RERE: variants seen among roughly 807,000 people sequenced by gnomAD.
The protein encoded by RERE is arginine-glutamic acid dipeptide repeats.
In RERE, 40 loss-of-function variants were observed where a neutral mutation model predicts 146.1. That is an observed-to-expected ratio of 0.27 (90% CI 0.21 to 0.36). RERE has a LOEUF of 0.36. Among genes scored for constraint, RERE ranks in the 10% least tolerant of loss-of-function variants. The pLI is 1.00. For synonymous variants in RERE, 1,003 were observed against 866.0 expected (o/e 1.16, Z -2.78); for missense variants, 1,933 against 2,138.7 (o/e 0.90, Z 1.90).
chr1:8,550,044 C>G (rs1645915056), intron 6 of RERE, among the ~76,000 whole-genome samples: 1 of 152,148 alleles, frequency 6.6e-6, no homozygotes, highest in Non-Finnish European at 1.5e-5. Context: ...AATCTTTAGT[C>G]TAATGCTATT....
intron 10 of RERE, among the ~76,000 whole-genome samples, chr1:8,490,910 A>G (rs1644971767): frequency 1.3e-5 from 2 of 150,518 alleles, no homozygotes; most frequent in African/African-American, 2.5e-5. Flanking sequence ...ACAGATTTAT[A>G]TATCTGAAAA....
At chr1:8,615,285 C>A (rs561052499) in intron 3 of RERE, among the ~76,000 whole-genome samples, 1 of 152,208 alleles carries the variant, frequency 6.6e-6, no homozygotes, top group Non-Finnish European at 1.5e-5. Context: ...TTATAATTTT[C>A]TCCAAACGCC....
chr1:8,409,409 A>C (rs762244609), intron 12 of RERE, among the ~76,000 whole-genome samples: 2 of 152,222 alleles, frequency 1.3e-5, no homozygotes, highest in Non-Finnish European at 2.9e-5. Context: ...AACTGTCCAC[A>C]CTTCTGTCGG....
chr1:8,526,097 G>C (rs1412052768), intron 7 of RERE: 1 of 1,106,048 alleles, frequency 9.0e-7, no homozygotes, highest in Non-Finnish European at 1.1e-6. Flanking sequence ...GCTTCTCCCT[G>C]CACACCAAGC....
chr1:8,565,699 G>A (rs1354356277), intron 4 of RERE, among the ~76,000 whole-genome samples: 2 of 152,062 alleles, frequency 1.3e-5, no homozygotes, highest in Non-Finnish European at 1.5e-5. Flanking sequence ...CAACAAGAGC[G>A]CAACTCTGTC....
At position 8,617,706 on chromosome 1, in the gene RERE, T is replaced by C. The variant is rs531454479; in HGVS notation, c.397-3020A>G. Among the ~76,000 whole-genome samples the C allele has an allele frequency of 2.0e-5, 3 of 152,266 alleles. No individual in the cohort carries two copies. In the South Asian group the frequency reaches 6.2e-4, roughly 32 times the overall value. ...AAATCATCATAGCGTAAGGCATTTTTCATAACACATGGCCTTTTCTGGGAG... is the reference window on the plus strand; with the variant it reads ...AAATCATCATAGCGTAAGGCATTTTCCATAACACATGGCCTTTTCTGGGAG... On this transcript the variant is annotated intron_variant, in intron 3 of 22. Coordinates refer to ENST00000400908, the MANE Select transcript of RERE (RefSeq NM_001042681.2).
At chr1:8,437,775 T>G (rs574686979) in intron 11 of RERE, among the ~76,000 whole-genome samples, 1 of 152,210 alleles carries the variant, frequency 6.6e-6, no homozygotes, top group Non-Finnish European at 1.5e-5. Flanking sequence ...ATGGGCTGCA[T>G]GCAGAGGGGA....
intron 12 of RERE, among the ~76,000 whole-genome samples, chr1:8,374,879 C>A (rs72864293): frequency 6.6e-6 from 1 of 152,232 alleles, no homozygotes; most frequent in African/African-American, 2.4e-5. Context: ...ATACCACCCC[C>A]ACCTCCTCCT....
chr1:8,610,144 C>T (rs1334390941), intron 4 of RERE, among the ~76,000 whole-genome samples: 1 of 152,160 alleles, frequency 6.6e-6, no homozygotes, highest in Non-Finnish European at 1.5e-5. Flanking sequence ...ATTTTCAACA[C>T]CTAAGCAATC....
At chr1:8,465,765 T>G in intron 11 of RERE, 160 bp downstream of exon 11, 1 of 697,016 alleles carries the variant, frequency 1.4e-6, no homozygotes. Context: ...TCTGTACAAT[T>G]AAGGGGCTGA....
chr1:8,605,796 T>TATCTCC (rs1392109621), intron 4 of RERE, among the ~76,000 whole-genome samples: 1 of 143,406 alleles, frequency 7.0e-6, no homozygotes, highest in Non-Finnish European at 1.5e-5. Context: ...GATAATAGAT[T>TATCTCC]ATCTCCATTA....
intron 7 of RERE, chr1:8,525,807 T>C (rs764217387): frequency 1.3e-6 from 2 of 1,580,946 alleles, no homozygotes; most frequent in African/African-American, 1.4e-5. Flanking sequence ...CTCTGGTGAG[T>C]CTAGCTGGAT....
intron 6 of RERE, among the ~76,000 whole-genome samples, chr1:8,544,116 G>A (rs1645831042): frequency 6.6e-6 from 1 of 152,084 alleles, no homozygotes; most frequent in African/African-American, 2.4e-5. Context: ...GGAAATAATT[G>A]ACTGGTTTCC....
intron 3 of RERE, among the ~76,000 whole-genome samples, chr1:8,622,486 T>TAAAAA (rs1167355778): frequency 2.3e-5 from 1 of 43,014 alleles, no homozygotes. Context: ...TGTATCTGTT[T>TAAAAA]AAAAAAAAAA....
rs537431937 is a variant in RERE, at chr1:8,816,205, T to C, written c.-145+955A>G. ...CTGCTATATTAAAATGTCTATTTTGTAATTCACCAAGTTCACCCTCTTACT... is the reference window on the plus strand; with the variant it reads ...CTGCTATATTAAAATGTCTATTTTGCAATTCACCAAGTTCACCCTCTTACT... On this transcript the variant is annotated intron_variant, in intron 1 of 22. Coordinates refer to ENST00000400908, the MANE Select transcript of RERE (RefSeq NM_001042681.2). Among the ~76,000 whole-genome samples, 29 of 152,376 alleles carry C rather than the reference T, an allele frequency of 1.9e-4. 1 individual carries two copies. In the South Asian group the frequency reaches 5.8e-3, roughly 30 times the overall value.
At chr1:8,468,555 C>T (rs1412375726) in intron 10 of RERE, among the ~76,000 whole-genome samples, 1 of 152,120 alleles carries the variant, frequency 6.6e-6, no homozygotes, top group Non-Finnish European at 1.5e-5. Flanking sequence ...AAATTAACAA[C>T]TTTTATAAGA....
intron 7 of RERE, among the ~76,000 whole-genome samples, chr1:8,517,209 G>T (rs1645431954): frequency 6.6e-6 from 1 of 152,114 alleles, no homozygotes; most frequent in South Asian, 2.1e-4. Flanking sequence ...CAAATGAAGG[G>T]GGGGATATAC....
In RERE at chr1:8,364,658, C is replaced by A. The variant is rs1284419391; in HGVS notation, c.1540+88G>T. The A allele has an allele frequency of 5.5e-6, 5 of 907,556 alleles. No individual in the cohort carries two copies. The highest frequency in any genetic ancestry group is 9.1e-6 in the Non-Finnish European group (5 of 548,310). The allele number at this position is 907,556 out of a possible 1,614,324, so 56.2% of individuals were successfully genotyped here. A position where few individuals can be genotyped will look rare whatever the true frequency, so the allele number is the denominator to read the frequency against. Reference sequence around the variant, plus strand: ...ATGTCAAATCAAGTACTGTCCCTGGCAGGTTTCCAGCTGGATGCATGAAAT... The same window carrying A: ...ATGTCAAATCAAGTACTGTCCCTGGAAGGTTTCCAGCTGGATGCATGAAAT... On this transcript the variant is annotated intron_variant, in intron 14 of 22. Coordinates refer to ENST00000400908, the MANE Select transcript of RERE (RefSeq NM_001042681.2). The surrounding 1 kb of genome is among the most constrained non-coding windows in gnomAD (Gnocchi z 5.1).
In RERE at chr1:8,564,826, A is replaced by ATATATGTGTGTG. The variant is rs1384858524; in HGVS notation, c.523-7304_523-7303insCACACACATATA. Among the ~76,000 whole-genome samples, 10 of 117,934 alleles carry ATATATGTGTGTG rather than the reference A, an allele frequency of 8.5e-5. No homozygotes were observed. The South Asian group carries it at 1.1e-3, about 13-fold the overall frequency. 77.4% of individuals were successfully genotyped at this position (117,934 alleles called of 152,430 possible). ...TGTGTGTGTATGTATGTGTGTGTAT[A>ATATATGTGTGTG]TGTGTATGTGTGTGTGTGTGTGTGT... On this transcript the variant is annotated intron_variant, in intron 4 of 22. Transcript: ENST00000400908.
Sources: gnomAD v4.1 joint callset for allele counts (sites outside exome capture counted in the v4.1 genomes callset) on GRCh38, gnomAD v4.1.1 for gene constraint, Gnocchi (gnomAD v3.1) non-coding constraint, MANE v1.5 for transcripts, NCBI Gene and HGNC (gene_info 2026-07-23, HGNC 2026-07-21) for gene names.